Variants in CECR2 observed in about 807,000 individuals in gnomAD.
The protein encoded by CECR2 is chromatin remodeling regulator CECR2.
In CECR2, 30 loss-of-function variants were observed where a neutral mutation model predicts 154.5. The ratio of observed to expected loss-of-function variants is 0.19; its 90% CI spans 0.15 to 0.26. The LOEUF is 0.26. CECR2 is among the 10% of genes least tolerant of loss of function. The pLI is 1.00. For synonymous variants in CECR2, 725 were observed against 683.7 expected, an observed-to-expected ratio of 1.06 and a Z score of -0.94; for missense variants, 1,743 against 1,829.3, an observed-to-expected ratio of 0.95 and a Z score of 0.86.
At chr22:17,525,754 G>T (rs1372673298) in intron 9 of CECR2, among the ~76,000 whole-genome samples, 1 of 151,684 alleles carries the variant, frequency 6.6e-6, no homozygotes, top group African/African-American at 2.4e-5. Context: ...GCTTTTATTT[G>T]TTTATATTTT....
At position 17,424,057 on chromosome 22, in the gene CECR2, T is replaced by C. The variant is rs17808699; in HGVS notation, c.127-53531T>C. 8.1e-3 allele frequency among the ~76,000 whole-genome samples: 1,231 copies of C among 152,314 alleles called. 64 individuals are homozygous for C. The East Asian group carries it at 0.14, about 17-fold the overall frequency. On this transcript the variant is annotated intron_variant, in intron 1 of 18. Coordinates refer to ENST00000262608, the MANE Select transcript of CECR2 (RefSeq NM_001290047.2). ...GCCTATAGCTCTTGAGATTCTGTCA[T>C]TGTAAGCACATCTTAAAATATTTTT...
chr22:17,536,125 G>A (rs954638819), intron 9 of CECR2, among the ~76,000 whole-genome samples: 5 of 152,154 alleles, frequency 3.3e-5, no homozygotes, highest in African/African-American at 1.2e-4. Context: ...GTGCATGCCT[G>A]TAATCCCAGC....
chr22:17,549,615 T>G lies in CECR2; in HGVS notation c.4277+51T>G, dbSNP rs577736881. On this transcript the variant is annotated intron_variant, in intron 17 of 18. Transcript: ENST00000262608. ...CCTAAAGAGAGAACAGATGTTTATT[T>G]TATGTATTTATTTTTGAGACAGAGT... 1.2e-5 allele frequency: 17 copies of G among 1,394,832 alleles called. No homozygotes were observed. In the African/African-American group the frequency reaches 1.4e-4, roughly 12 times the overall value. 86.4% of individuals were successfully genotyped at this position (1,394,832 alleles called of 1,614,324 possible).
intron 1 of CECR2, among the ~76,000 whole-genome samples, chr22:17,456,167 A>G (rs1341450100): frequency 6.6e-6 from 1 of 152,192 alleles, no homozygotes; most frequent in Non-Finnish European, 1.5e-5. Flanking sequence ...TGAATAGTCT[A>G]CTGTTGTACC....
At chr22:17,473,776 A>G (rs1176641423) in intron 1 of CECR2, among the ~76,000 whole-genome samples, 1 of 152,230 alleles carries the variant, frequency 6.6e-6, no homozygotes, top group Non-Finnish European at 1.5e-5. Flanking sequence ...GTAGATTCAC[A>G]TTGTTGTCAA....
At chr22:17,488,615 C>G (rs2055467867) in intron 2 of CECR2, among the ~76,000 whole-genome samples, 1 of 151,950 alleles carries the variant, frequency 6.6e-6, no homozygotes, top group Non-Finnish European at 1.5e-5. Context: ...TTCACCCATG[C>G]CATTGTTTGT....
At chr22:17,413,039 C>T (rs144496812) in intron 1 of CECR2, among the ~76,000 whole-genome samples, 5 of 152,288 alleles carry the variant, frequency 3.3e-5, no homozygotes, top group Non-Finnish European at 5.9e-5. Context: ...CTGTCCTCCA[C>T]CCTCTCTTGG....
chr22:17,522,991 C>A (rs1260739419), intron 8 of CECR2, among the ~76,000 whole-genome samples: 1 of 147,864 alleles, frequency 6.8e-6, no homozygotes, highest in Non-Finnish European at 1.5e-5. Context: ...GGTGACAAAG[C>A]AAGACTCCAT....
At chr22:17,540,183 G>A (rs1311524768) in intron 13 of CECR2, among the ~76,000 whole-genome samples, 1 of 152,124 alleles carries the variant, frequency 6.6e-6, no homozygotes, top group African/African-American at 2.4e-5. Context: ...ACAACCTTGG[G>A]CATCTTACAG....
In CECR2 at chr22:17,398,516, C is replaced by T. The variant is rs565514236; in HGVS notation, c.126+28607C>T. ...TTGTCTGGGAGAAAATAACAGGAAA[C>T]ATTTATTGAGAGAAGTGGTGGTGAA... On this transcript the variant is annotated intron_variant, in intron 1 of 18. Transcript: ENST00000262608. 3.3e-5 allele frequency among the ~76,000 whole-genome samples: 5 copies of T among 152,266 alleles called. No homozygotes were observed. The South Asian group carries it at 8.3e-4, about 25-fold the overall frequency.
intron 1 of CECR2, among the ~76,000 whole-genome samples, chr22:17,426,475 G>A (rs947260592): frequency 6.6e-6 from 1 of 152,060 alleles, no homozygotes; most frequent in East Asian, 1.9e-4. Flanking sequence ...TCCTGCTTCA[G>A]CCTCCCAAGT....
intron 10 of CECR2, among the ~76,000 whole-genome samples, chr22:17,538,087 A>G (rs1002413217): frequency 6.6e-6 from 1 of 152,080 alleles, no homozygotes; most frequent in Non-Finnish European, 1.5e-5. Flanking sequence ...GCATGGTAGC[A>G]CACACCCGTA....
intron 8 of CECR2, chr22:17,518,817 A>G: frequency 3.1e-6 from 1 of 317,460 alleles, no homozygotes; most frequent in Non-Finnish European, 6.3e-6. Flanking sequence ...CATTGGATAG[A>G]TCTCCTAAGG....
At chr22:17,517,294 T>C (rs1435271329) in intron 8 of CECR2, among the ~76,000 whole-genome samples, 1 of 152,236 alleles carries the variant, frequency 6.6e-6, no homozygotes, top group Non-Finnish European at 1.5e-5. Context: ...CCCCTCACCT[T>C]CCGCCACGAT....
intron 1 of CECR2, among the ~76,000 whole-genome samples, chr22:17,376,818 A>G (rs900695208): frequency 1.9e-4 from 29 of 151,848 alleles, no homozygotes; most frequent in African/African-American, 6.0e-4. Flanking sequence ...TTGTATTTTT[A>G]GGAGAGATGG....
intron 1 of CECR2, among the ~76,000 whole-genome samples, chr22:17,378,529 C>T (rs1181137860): frequency 6.6e-6 from 1 of 151,750 alleles, no homozygotes; most frequent in Non-Finnish European, 1.5e-5. Flanking sequence ...ATCTCCTGAC[C>T]CCCTCCTCGG....
intron 16 of CECR2, among the ~76,000 whole-genome samples, chr22:17,547,935 G>C (rs922996064): frequency 6.6e-6 from 1 of 152,248 alleles, no homozygotes; most frequent in East Asian, 1.9e-4. Context: ...GAATGTAGAG[G>C]TGCTAGGTTT....
chr22:17,518,835 G>A, intron 8 of CECR2: 1 of 277,976 alleles, frequency 3.6e-6, no homozygotes. Flanking sequence ...AGGCTACTGA[G>A]AGCTGATGTA....
intron 9 of CECR2, chr22:17,524,767 C>T (rs1016073626): frequency 8.9e-6 from 2 of 225,660 alleles, no homozygotes; most frequent in Non-Finnish European, 8.9e-6. Context: ...GCACAATCTT[C>T]ACTTACTGCA....
Sources: allele counts gnomAD v4.1 joint callset (sites outside exome capture counted in the v4.1 genomes callset), GRCh38; gene constraint gnomAD v4.1.1; transcripts MANE v1.5; gene names NCBI Gene and HGNC (gene_info 2026-07-23, HGNC 2026-07-21).